The following EPB41L4B variants were observed in gnomAD, a reference collection of about 807,000 sequenced individuals.
EPB41L4B encodes band 4.1-like protein 4B.
Under a neutral mutation model 112.5 loss-of-function variants are expected in EPB41L4B, and 30 were observed. The observed-to-expected ratio is 0.27, with a 90% CI of 0.20 to 0.36. EPB41L4B has a LOEUF of 0.36. Ranked by LOEUF, EPB41L4B falls within the 10% of genes least tolerant of loss-of-function variation. The pLI is 1.00. For synonymous variants in EPB41L4B, 408 were observed against 439.7 expected (o/e 0.93, Z 0.90); for missense variants, 1,024 against 1,133.3 (o/e 0.90, Z 1.38).
At chr9:109,216,723 G>A (rs1262391893) in intron 16 of EPB41L4B, among the ~76,000 whole-genome samples, 199 bp downstream of exon 16, 1 of 152,014 alleles carries the variant, frequency 6.6e-6, no homozygotes, top group Non-Finnish European at 1.5e-5. Context: ...AGAGTTTACT[G>A]GTAAACCATA....
intron 5 of EPB41L4B, among the ~76,000 whole-genome samples, chr9:109,263,681 G>A (rs930592936): frequency 6.6e-6 from 1 of 152,162 alleles, no homozygotes; most frequent in Non-Finnish European, 1.5e-5. Flanking sequence ...GACATACATT[G>A]GTATAGCACT....
intron 15 of EPB41L4B, among the ~76,000 whole-genome samples, chr9:109,234,135 G>T: frequency 6.6e-6 from 1 of 151,530 alleles, no homozygotes; most frequent in East Asian, 1.9e-4. Flanking sequence ...GCTATGATTT[G>T]CTTCCTGTGA....
intron 20 of EPB41L4B, among the ~76,000 whole-genome samples, chr9:109,198,910 A>C (rs1373168261): frequency 7.0e-6 from 1 of 142,166 alleles, no homozygotes; most frequent in Non-Finnish European, 1.5e-5. Flanking sequence ...AGAGTGACAG[A>C]GCAAGGCTCT....
At chr9:109,287,910 T>C (rs556172430) in intron 1 of EPB41L4B, among the ~76,000 whole-genome samples, 1 of 152,348 alleles carries the variant, frequency 6.6e-6, no homozygotes, top group African/African-American at 2.4e-5. Flanking sequence ...CTGGCAAGTC[T>C]TTCTGTGGCC....
chr9:109,193,013 C>T (rs1351407561), intron 21 of EPB41L4B, among the ~76,000 whole-genome samples: 3 of 152,174 alleles, frequency 2.0e-5, no homozygotes, highest in South Asian at 2.1e-4. Flanking sequence ...GTAAATGTTT[C>T]GTTCAGCCTG....
At chr9:109,299,086 G>A (rs189813621) in intron 1 of EPB41L4B, among the ~76,000 whole-genome samples, 3 of 152,286 alleles carry the variant, frequency 2.0e-5, no homozygotes, top group Non-Finnish European at 2.9e-5. Context: ...ACATTCTAAC[G>A]AGCGAAGTGG....
intron 24 of EPB41L4B, among the ~76,000 whole-genome samples, chr9:109,181,504 G>A (rs1261051097): frequency 6.6e-6 from 1 of 152,168 alleles, no homozygotes; most frequent in Non-Finnish European, 1.5e-5. Context: ...TGCCCCAACA[G>A]GATATGAGGA....
At chr9:109,276,417 C>T (rs1354773993) in intron 2 of EPB41L4B, among the ~76,000 whole-genome samples, 1 of 152,074 alleles carries the variant, frequency 6.6e-6, no homozygotes, top group African/African-American at 2.4e-5. Context: ...TAAGTGCAGG[C>T]ATCATAAGAC....
intron 18 of EPB41L4B, among the ~76,000 whole-genome samples, chr9:109,207,627 A>G (rs1833030017): frequency 1.3e-5 from 2 of 152,064 alleles, no homozygotes; most frequent in African/African-American, 4.8e-5. Flanking sequence ...AATATTCATG[A>G]GCCCCCACCC....
chr9:109,192,407 A>G, intron 21 of EPB41L4B, 52 bp from the exon 22 acceptor site: 6 of 1,411,556 alleles, frequency 4.3e-6, no homozygotes, highest in Non-Finnish European at 5.8e-6. Context: ...CATTGATGAT[A>G]AAGTTCACCA....
chr9:109,214,193 G>A (rs763862580), intron 16 of EPB41L4B, among the ~76,000 whole-genome samples: 6 of 152,180 alleles, frequency 3.9e-5, no homozygotes, highest in South Asian at 2.1e-4. Context: ...AAAGATTAGT[G>A]TTCAGGCAAA....
rs1261333443 is a variant in EPB41L4B at position 109,320,512 on chromosome 9, CCGCCGCCCGGGAGCGTCCCGCGA to C, written c.-89_-67del. The C allele has an allele frequency of 1.3e-6, 1 of 745,686 alleles. No homozygotes were observed. Among genetic ancestry groups the C allele is most frequent in the African/African-American group, 2.5e-5 (1 of 39,974 alleles). The allele number at this position is 745,686 out of a possible 1,614,324, so 46.2% of individuals were successfully genotyped here. On this transcript the variant is annotated 5_prime_UTR_variant, in exon 1 of 26. Coordinates refer to ENST00000374566, the MANE Select transcript of EPB41L4B (RefSeq NM_019114.5). ...CGCTGCCGCTGCCGCTGCCGCTGCG[CCGCCGCCCGGGAGCGTCCCGCGA>C]CGCCGTCAGTGCCCTCGGCCGCCCG...
intron 1 of EPB41L4B, among the ~76,000 whole-genome samples, chr9:109,282,160 A>T (rs1238670210): frequency 3.3e-5 from 5 of 152,242 alleles, no homozygotes; most frequent in African/African-American, 1.2e-4. Context: ...CACACATCAT[A>T]TGATCCATTT....
At chr9:109,179,034 A>C (rs993908029) in intron 24 of EPB41L4B, among the ~76,000 whole-genome samples, 3 of 152,120 alleles carry the variant, frequency 2.0e-5, no homozygotes, top group African/African-American at 7.2e-5. Flanking sequence ...TGAGTGAATG[A>C]ATGAACAAGC....
intron 1 of EPB41L4B, among the ~76,000 whole-genome samples, chr9:109,297,926 G>C (rs1836799359): frequency 1.3e-5 from 2 of 152,178 alleles, no homozygotes; most frequent in African/African-American, 4.8e-5. Flanking sequence ...CCTGTCTATG[G>C]TGAGCTTGGC....
chr9:109,244,031 AG>A (rs1834451533), intron 14 of EPB41L4B, among the ~76,000 whole-genome samples: 1 of 152,228 alleles, frequency 6.6e-6, no homozygotes, highest in African/African-American at 2.4e-5. Context: ...GGAAGGTGTC[AG>A]AGAGATGGGG....
intron 15 of EPB41L4B, among the ~76,000 whole-genome samples, chr9:109,228,381 A>T (rs551960002): frequency 2.3e-4 from 35 of 152,324 alleles, no homozygotes; most frequent in African/African-American, 8.4e-4. Context: ...TCATGTTCCA[A>T]AAAAAACTGT....
chr9:109,212,802 T>C (rs1833229673), intron 17 of EPB41L4B, among the ~76,000 whole-genome samples: 2 of 152,230 alleles, frequency 1.3e-5, no homozygotes, highest in Admixed American at 1.3e-4. Flanking sequence ...CATTTGGCAA[T>C]GTCTGGAGAC....
At chr9:109,320,071 G>T in intron 1 of EPB41L4B, 70 bp downstream of exon 1, 2 of 1,271,070 alleles carry the variant, frequency 1.6e-6, no homozygotes, top group Non-Finnish European at 1.0e-6. Context: ...CCCGATGCAA[G>T]CACTGGGGGA....
Sources: allele counts gnomAD v4.1 joint callset (sites outside exome capture counted in the v4.1 genomes callset), GRCh38; gene constraint gnomAD v4.1.1; transcripts MANE v1.5; gene names NCBI Gene and HGNC (gene_info 2026-07-23, HGNC 2026-07-21).